AKAP8L: variants seen among roughly 807,000 people sequenced by gnomAD.
The protein encoded by AKAP8L is A-kinase anchor protein 8-like.
Under a neutral mutation model 77.5 loss-of-function variants are expected in AKAP8L, and 34 were observed. The observed-to-expected ratio is 0.44, with a 90% confidence interval of 0.33 to 0.58. The LOEUF (loss-of-function observed/expected upper bound fraction) is 0.58. AKAP8L is among the 20% of genes least tolerant of loss of function. The probability of loss-of-function intolerance (pLI) is 0.02; values close to 1 mark genes in which losing one functional copy is unlikely to be tolerated. For synonymous variants in AKAP8L, 342 were observed against 340.7 expected (o/e 1.00, Z -0.04); for missense variants, 806 against 887.6 (o/e 0.91, Z 1.17).
rs1967361407 is a variant in AKAP8L at position 15,380,051 on chromosome 19, G to A, written c.*71C>T. The A allele has an allele frequency of 7.1e-7, 1 of 1,409,188 alleles. No individual in the cohort carries two copies. Among genetic ancestry groups the A allele is most frequent in the Non-Finnish European group, 9.2e-7 (1 of 1,091,730 alleles). 87.3% of individuals were successfully genotyped at this position (1,409,188 alleles called of 1,614,324 possible). ...CACAGTAACAGAGAAACCCGGAGGT[G>A]GGATGGGAAAACTTTATTAGGTTTG... is the stretch of plus-strand genomic sequence containing the variant. On this transcript the variant is annotated 3_prime_UTR_variant, in exon 14 of 14. Transcript: ENST00000397410.
Position 15,380,420 on chromosome 19 carries a change from G to A in AKAP8L, c.1643C>T (p.Pro548Leu). The stretch of plus-strand genomic sequence containing the variant: ...CTCCTCCTCGGGGCTGTCGGTGAAA[G>A]GGTTCTCGCCCTGTGGGGAGGGGCG... Reference protein sequence around the residue: ...KLERYLKGENPFTDSPEEEKE... With the variant: ...KLERYLKGENLFTDSPEEEKE... The change falls in exon 14 of 14, where the codon CCT becomes CTT. Residue 548 changes from proline (P) to leucine (L), a missense_variant. This residue lies in a region of AKAP8L where 226 missense variants were observed against 193.5 expected (regional missense o/e 1.17). Transcript: ENST00000397410. The A allele has an allele frequency of 6.2e-7, 1 of 1,603,450 alleles. No homozygotes were observed. Among genetic ancestry groups the A allele is most frequent in the Non-Finnish European group, 8.5e-7 (1 of 1,175,866 alleles).
At chr19:15,418,830 G>A (rs1968270170) in intron 1 of AKAP8L, 81 bp downstream of exon 1, 5 of 1,451,978 alleles carry the variant, frequency 3.4e-6, no homozygotes, top group Admixed American at 1.8e-5. Flanking sequence ...CCCAGGGGAG[G>A]TGCGGGCAAG....
At chr19:15,407,273 T>C (rs1237372558) in intron 2 of AKAP8L, among the ~76,000 whole-genome samples, 1 of 151,924 alleles carries the variant, frequency 6.6e-6, no homozygotes, top group Non-Finnish European at 1.5e-5. Context: ...TAAAATAAAA[T>C]AAGAGCAGTA....
chr19:15,405,703 T>C (rs1258984123), intron 2 of AKAP8L, among the ~76,000 whole-genome samples: 2 of 150,504 alleles, frequency 1.3e-5, no homozygotes, highest in African/African-American at 2.4e-5. Context: ...GTGGGTGGAT[T>C]ACGAGGTCAG....
intron 7 of AKAP8L, chr19:15,400,590 A>C (rs1402682770): frequency 1.4e-6 from 1 of 736,450 alleles, no homozygotes; most frequent in Non-Finnish European, 2.2e-6. Flanking sequence ...CCTGGTGCAC[A>C]GGGGCTCATC....
intron 12 of AKAP8L, among the ~76,000 whole-genome samples, chr19:15,382,455 G>A (rs1202485567): frequency 1.3e-5 from 2 of 152,016 alleles, no homozygotes; most frequent in African/African-American, 4.8e-5. Flanking sequence ...CACCCATCTC[G>A]GCTTCCCAAA....
chr19:15,385,398 G>A (rs2145106213), intron 12 of AKAP8L, among the ~76,000 whole-genome samples: 1 of 151,290 alleles, frequency 6.6e-6, no homozygotes, highest in South Asian at 2.1e-4. Flanking sequence ...AGCCAGGATG[G>A]TCTCGATCTC....
At chr19:15,414,304 G>T (rs1332566129) in intron 1 of AKAP8L, among the ~76,000 whole-genome samples, 1 of 151,890 alleles carries the variant, frequency 6.6e-6, no homozygotes, top group African/African-American at 2.4e-5. Flanking sequence ...AGATCTGCCC[G>T]CCTCGGTCTC....
chr19:15,391,241 A>G (rs1014409662), intron 12 of AKAP8L, among the ~76,000 whole-genome samples: 2 of 151,976 alleles, frequency 1.3e-5, no homozygotes, highest in Non-Finnish European at 2.9e-5. Context: ...CGGGTGGATC[A>G]TGAGCAGGAG....
chr19:15,381,886 C>G (rs919157012), intron 12 of AKAP8L: 1 of 152,228 alleles, frequency 6.6e-6, no homozygotes, highest in African/African-American at 2.4e-5. Flanking sequence ...TGTACACTTC[C>G]ATGCTGGTGC....
chr19:15,413,072 C>T (rs1968137658), intron 1 of AKAP8L, among the ~76,000 whole-genome samples: 2 of 152,200 alleles, frequency 1.3e-5, no homozygotes, highest in Non-Finnish European at 2.9e-5. Context: ...ACAGCAGCAG[C>T]AGCCAACAGC....
intron 12 of AKAP8L, among the ~76,000 whole-genome samples, chr19:15,384,871 T>TTTTTTG (rs1198311035): frequency 2.7e-4 from 41 of 152,306 alleles, no homozygotes; most frequent in African/African-American, 8.7e-4. Flanking sequence ...TATTGCTAGA[T>TTTTTTG]TTTTTGTTTT....
rs368790532 is a variant in AKAP8L, at chr19:15,395,564, T to C, written c.1536+1586A>G. ...TCTTGACCTCGTCATCTGCCCACCT[T>C]AGCCTCCCAAAGTGCTGGGATTACA... On this transcript the variant is annotated intron_variant, in intron 12 of 13. Transcript: ENST00000397410. Among the ~76,000 whole-genome samples the C allele has an allele frequency of 5.3e-5, 8 of 151,194 alleles. No homozygotes were observed. The East Asian group carries it at 1.6e-3, about 31-fold the overall frequency.
At chr19:15,383,008 A>G (rs1967451338) in intron 12 of AKAP8L, among the ~76,000 whole-genome samples, 1 of 152,212 alleles carries the variant, frequency 6.6e-6, no homozygotes, top group African/African-American at 2.4e-5. Context: ...ATATAGGTCT[A>G]CCATCCCTTA....
intron 12 of AKAP8L, among the ~76,000 whole-genome samples, chr19:15,389,480 A>G (rs979412187): frequency 5.3e-5 from 8 of 151,928 alleles, no homozygotes; most frequent in African/African-American, 1.9e-4. Flanking sequence ...TCTATACATC[A>G]AAGCAGCTCA....
intron 7 of AKAP8L, 80 bp from the exon 8 acceptor site, chr19:15,400,438 G>A (rs1967869946): frequency 5.0e-6 from 7 of 1,402,322 alleles, no homozygotes; most frequent in East Asian, 4.6e-5. Context: ...TAGAGCAACG[G>A]TATATAGTAA....
rs1016218388 is a variant in AKAP8L at position 15,398,240 on chromosome 19, C to A, written c.1158-385G>T. The A allele has an allele frequency of 1.7e-5, 5 of 288,346 alleles. No individual in the cohort carries two copies. The highest frequency in any genetic ancestry group is 3.4e-5 in the Non-Finnish European group (5 of 148,790). The allele number at this position is 288,346 out of a possible 1,614,324, so 17.9% of individuals were successfully genotyped here. A position where few individuals can be genotyped will look rare whatever the true frequency, so the allele number is the denominator to read the frequency against. On this transcript the variant is annotated intron_variant, in intron 9 of 13. Coordinates refer to ENST00000397410, the MANE Select transcript of AKAP8L (RefSeq NM_014371.4). This position sits in a 1 kb window ranked among gnomAD's most constrained non-coding sequence, Gnocchi z 9.2. ...GAAGGAAGGATGCCCTGGCGTGAGC[C>A]AGGTGGCCCTGAGGTGCAGAGTGGA...
In AKAP8L at chr19:15,400,310, C is replaced by G; in HGVS notation, c.1033G>C (p.Glu345Gln). ...GAAAACTCACCCTTCTCTGGATCCTCTTTGCCTTCTTCTCTCCCATCCTCT... is the reference window on the plus strand; with the variant it reads ...GAAAACTCACCCTTCTCTGGATCCTGTTTGCCTTCTTCTCTCCCATCCTCT... ...GKEDGREEGK[E>Q]DPEKGALTTQ... The change falls in exon 8 of 14, where the codon GAG becomes CAG. Residue 345 changes from glutamate (E) to glutamine (Q), a missense_variant. This residue lies in a region of AKAP8L where 580 missense variants were observed against 694.1 expected (regional missense o/e 0.84). Transcript: ENST00000397410. The G allele has an allele frequency of 6.2e-7, 1 of 1,613,964 alleles. No homozygotes were observed. The highest frequency in any genetic ancestry group is 8.5e-7 in the Non-Finnish European group (1 of 1,179,858).
chr19:15,403,386 C>A lies in AKAP8L; in HGVS notation c.362+89G>T, dbSNP rs1353891646. ...CCAAGCAGCGGGGAGGAAGCAGACA[C>A]AGAGGGGCACTCAGAGAGGAAAACG... is the stretch of plus-strand genomic sequence containing the variant. On this transcript the variant is annotated intron_variant, in intron 4 of 13. Transcript: ENST00000397410. The surrounding 1 kb of genome is among the most constrained non-coding windows in gnomAD (Gnocchi z 4.3). 1.0e-5 allele frequency: 13 copies of A among 1,284,690 alleles called. No individual in the cohort carries two copies. Among genetic ancestry groups the A allele is most frequent in the Admixed American group, 1.7e-5 (1 of 57,578 alleles). The allele number at this position is 1,284,690 out of a possible 1,614,324, so 79.6% of individuals were successfully genotyped here. A position where few individuals can be genotyped will look rare whatever the true frequency, so the allele number is the denominator to read the frequency against.
Sources: gnomAD v4.1 joint callset for allele counts (sites outside exome capture counted in the v4.1 genomes callset) on GRCh38, gnomAD v4.1.1 for gene constraint, gnomAD v4.1.1 regional missense constraint, Gnocchi (gnomAD v3.1) non-coding constraint, MANE v1.5 for transcripts, NCBI Gene and HGNC (gene_info 2026-07-23, HGNC 2026-07-21) for gene names.